ZSCAN4: variants seen among roughly 807,000 people sequenced by gnomAD.
ZSCAN4 encodes the protein zinc finger and SCAN domain containing 4.
ZSCAN4 carries 18 observed loss-of-function variants against 18.3 expected under a neutral mutation model. The observed-to-expected ratio is 0.98, with a 90% CI of 0.68 to 1.46. The LOEUF (loss-of-function observed/expected upper bound fraction) is 1.46. Ranked by LOEUF, ZSCAN4 falls within the 40% of genes most tolerant of loss-of-function variation. ZSCAN4 has a pLI of 0.00. For synonymous variants in ZSCAN4, 193 were observed against 180.3 expected, an observed-to-expected ratio of 1.07 and a Z score of -0.57; for missense variants, 498 against 511.4, an observed-to-expected ratio of 0.97 and a Z score of 0.25.
intron 1 of ZSCAN4, among the ~76,000 whole-genome samples, chr19:57,669,494 T>C (rs2360532): frequency 0.52 from 78,084 of 151,566 alleles, 20,471 homozygotes; most frequent in Middle Eastern, 0.59. Context: ...GTGGCACAAT[T>C]TCAGCTCACT....
upstream of ZSCAN4, among the ~76,000 whole-genome samples, chr19:57,667,505 G>A (rs1983888646): frequency 6.6e-6 from 1 of 152,200 alleles, no homozygotes; most frequent in Admixed American, 6.5e-5. Flanking sequence ...TTACAGGACT[G>A]TTGTGATGGA....
At chr19:57,665,505 A>T (rs1736301239), upstream of ZSCAN4, among the ~76,000 whole-genome samples, 1 of 151,718 alleles carries the variant, frequency 6.6e-6, no homozygotes. Flanking sequence ...TTTTTTTTTT[A>T]AAGCTCATAC....
the ZSCAN4 span, among the ~76,000 whole-genome samples, chr19:57,655,361 C>T: frequency 8.5e-5 from 13 of 152,302 alleles, no homozygotes; most frequent in African/African-American, 2.9e-4. Context: ...GACTACCCAA[C>T]CCCAACAAGC....
chr19:57,653,823 C>T, the ZSCAN4 span, among the ~76,000 whole-genome samples: 7 of 152,300 alleles, frequency 4.6e-5, no homozygotes, highest in East Asian at 9.7e-4. Context: ...GCCCTCAAAA[C>T]CTTGCCCCAT....
chr19:57,673,749 G>T (rs112783430), intron 2 of ZSCAN4, among the ~76,000 whole-genome samples: 10,956 of 151,404 alleles, frequency 0.072, 549 homozygotes, highest in African/African-American at 0.15. Flanking sequence ...TGATGATGAT[G>T]ATTATTATTA....
intron 2 of ZSCAN4, among the ~76,000 whole-genome samples, chr19:57,673,249 A>C (rs1224097010): frequency 6.6e-6 from 1 of 151,892 alleles, no homozygotes; most frequent in Non-Finnish European, 1.5e-5. Flanking sequence ...GGGTTTCACC[A>C]CGTCTCATCT....
At chr19:57,669,708 G>GTT (rs35934113) in intron 1 of ZSCAN4, among the ~76,000 whole-genome samples, 73 of 146,802 alleles carry the variant, frequency 5.0e-4, no homozygotes, top group South Asian at 1.1e-3. Flanking sequence ...TACAGGCATG[G>GTT]TTTTTTTTTT....
At chr19:57,653,675 C>A in the ZSCAN4 span, among the ~76,000 whole-genome samples, 1 of 152,294 alleles carries the variant, frequency 6.6e-6, no homozygotes, top group Admixed American at 6.5e-5. Flanking sequence ...AGGCTAAATA[C>A]CAGGTGCTGG....
At chr19:57,656,712 G>C in the ZSCAN4 span, among the ~76,000 whole-genome samples, 1 of 152,196 alleles carries the variant, frequency 6.6e-6, no homozygotes, top group Non-Finnish European at 1.5e-5. Flanking sequence ...TCTAATAAAT[G>C]ATGAGTATTC....
intron 3 of ZSCAN4, 100 bp from the exon 4 acceptor site, chr19:57,677,814 C>T: frequency 8.8e-7 from 1 of 1,133,898 alleles, no homozygotes; most frequent in African/African-American, 1.6e-5. Context: ...ATAGCCAATA[C>T]TTGAGGGAGC....
At chr19:57,664,335 T>C (rs377011098), upstream of ZSCAN4, 8 of 151,982 alleles carry the variant, frequency 5.3e-5, no homozygotes, top group Admixed American at 3.3e-4. Flanking sequence ...AGGACGCTGC[T>C]GGCGGCGGGC....
rs548919726 is a variant in ZSCAN4, at chr19:57,677,373, C to A, written c.397-541C>A. ...CACAACCTCACTTCCTATTTTGGTT[C>A]CTACAGTGTAAATAAGTGTCCTTTT... On this transcript the variant is annotated intron_variant, in intron 3 of 4. Transcript: ENST00000318203. 1.3e-3 allele frequency among the ~76,000 whole-genome samples: 191 copies of A among 152,200 alleles called. 1 individual carries two copies. Among genetic ancestry groups the A allele is most frequent in the African/African-American group, 4.5e-3 (186 of 41,522 alleles).
At chr19:57,654,930 C>T in the ZSCAN4 span, among the ~76,000 whole-genome samples, 6 of 152,292 alleles carry the variant, frequency 3.9e-5, no homozygotes, top group South Asian at 4.1e-4. Context: ...GCTCCTAGCA[C>T]CCTCCTCCAA....
chr19:57,654,141 C>CTATG, the ZSCAN4 span, among the ~76,000 whole-genome samples: 1 of 152,144 alleles, frequency 6.6e-6, no homozygotes, highest in African/African-American at 2.4e-5. Context: ...ATGGAATACC[C>CTATG]TCTAAACATA....
upstream of ZSCAN4, among the ~76,000 whole-genome samples, chr19:57,663,969 ACAC>A (rs1983785275): frequency 6.6e-6 from 1 of 151,998 alleles, no homozygotes; most frequent in Non-Finnish European, 1.5e-5. Context: ...TCTACTAAAA[ACAC>A]CAAAAAACAA....
At chr19:57,665,626 AAATT>A (rs1308869051), upstream of ZSCAN4, among the ~76,000 whole-genome samples, 1 of 152,008 alleles carries the variant, frequency 6.6e-6, no homozygotes, top group Non-Finnish European at 1.5e-5. Flanking sequence ...CCTTTTTCTA[AAATT>A]AATCCAAGGC....
At chr19:57,673,746 GATGATTATT>G (rs918174592) in intron 2 of ZSCAN4, among the ~76,000 whole-genome samples, 11 of 151,940 alleles carry the variant, frequency 7.2e-5, no homozygotes, top group Admixed American at 7.2e-4. Flanking sequence ...TGATGATGAT[GATGATTATT>G]ATTATTATTA....
At chr19:57,651,816 A>C in the ZSCAN4 span, among the ~76,000 whole-genome samples, 1 of 152,038 alleles carries the variant, frequency 6.6e-6, no homozygotes, top group Admixed American at 6.6e-5. Flanking sequence ...TTCTTCCACT[A>C]GGAGGCTCCA....
upstream of ZSCAN4, among the ~76,000 whole-genome samples, chr19:57,668,505 TA>T (rs1323657040): frequency 6.6e-6 from 1 of 152,122 alleles, no homozygotes; most frequent in Non-Finnish European, 1.5e-5. Flanking sequence ...CCAACAGTGA[TA>T]GGGGGACAAT....
Sources: allele counts gnomAD v4.1 joint callset (sites outside exome capture counted in the v4.1 genomes callset), GRCh38; gene constraint gnomAD v4.1.1; transcripts MANE v1.5; gene names NCBI Gene and HGNC (gene_info 2026-07-23, HGNC 2026-07-21).